Variants in EVI5 observed in about 807,000 individuals in gnomAD.
The protein encoded by EVI5 is ecotropic viral integration site 5 protein homolog.
EVI5 carries 73 observed loss-of-function variants against 112.0 expected under a neutral mutation model. That is an observed-to-expected ratio of 0.65 (90% CI 0.54 to 0.79). The LOEUF (loss-of-function observed/expected upper bound fraction) is 0.79, where lower values mean the gene tolerates loss of function less well. EVI5 is among the 30% of genes least tolerant of loss of function. The probability of loss-of-function intolerance (pLI) is 0.00; values close to 1 mark genes in which losing one functional copy is unlikely to be tolerated. For synonymous variants in EVI5, 305 were observed against 319.9 expected (o/e 0.95, Z 0.50); for missense variants, 900 against 968.8 (o/e 0.93, Z 0.94).
intron 9 of EVI5, among the ~76,000 whole-genome samples, chr1:92,687,229 AAC>A (rs1668708108): frequency 6.6e-6 from 1 of 152,174 alleles, no homozygotes; most frequent in Admixed American, 6.5e-5. Context: ...CCTCAGAAAT[AAC>A]ACCACACATC....
intron 13 of EVI5, among the ~76,000 whole-genome samples, chr1:92,646,045 T>C (rs1370725490): frequency 6.6e-6 from 1 of 152,206 alleles, no homozygotes; most frequent in Non-Finnish European, 1.5e-5. Flanking sequence ...CCCTCACCAA[T>C]GGGTTCTAGC....
At chr1:92,772,465 G>A (rs1016195644) in intron 1 of EVI5, among the ~76,000 whole-genome samples, 8 of 151,930 alleles carry the variant, frequency 5.3e-5, no homozygotes, top group Non-Finnish European at 8.8e-5. Flanking sequence ...GCTTGGTGGC[G>A]GGTGCCTGTA....
intron 19 of EVI5, among the ~76,000 whole-genome samples, chr1:92,560,040 T>C (rs1017913398): frequency 2.8e-4 from 43 of 152,266 alleles, no homozygotes; most frequent in African/African-American, 1.0e-3. Context: ...TTCCACATGT[T>C]GATGAGGATG....
chr1:92,746,463 C>G (rs989492030), intron 1 of EVI5, among the ~76,000 whole-genome samples: 4 of 152,182 alleles, frequency 2.6e-5, no homozygotes, highest in African/African-American at 9.7e-5. Context: ...CAGTGGCTCA[C>G]GCCTGAAATC....
intron 13 of EVI5, among the ~76,000 whole-genome samples, chr1:92,653,339 G>T (rs1315733865): frequency 2.0e-5 from 3 of 152,232 alleles, no homozygotes; most frequent in Non-Finnish European, 4.4e-5. Context: ...CGCCAAGGGA[G>T]CACCCACTGG....
intron 18 of EVI5, among the ~76,000 whole-genome samples, chr1:92,600,224 G>C (rs1273165597): frequency 6.6e-6 from 1 of 152,144 alleles, no homozygotes; most frequent in Non-Finnish European, 1.5e-5. Flanking sequence ...AAACTGTATA[G>C]ATCAGAAATG....
At chr1:92,785,199 A>T, upstream of EVI5, 2 of 681,666 alleles carry the variant, frequency 2.9e-6, no homozygotes, top group Non-Finnish European at 3.6e-6. Context: ...GGGCCGGCCG[A>T]GAAAAGGAGA....
upstream of EVI5, among the ~76,000 whole-genome samples, chr1:92,785,431 C>T (rs1304766906): frequency 6.6e-6 from 1 of 152,232 alleles, no homozygotes; most frequent in African/African-American, 2.4e-5. Context: ...GACGCGGAGC[C>T]TGACTTTCAG....
At chr1:92,756,515 G>A in intron 1 of EVI5, 1 of 533,016 alleles carries the variant, frequency 1.9e-6, no homozygotes, top group African/African-American at 1.9e-5. Context: ...GCTTACTCCT[G>A]GTATTTCTTA....
intron 13 of EVI5, among the ~76,000 whole-genome samples, chr1:92,646,895 C>G (rs567794876): frequency 3.3e-5 from 5 of 152,322 alleles, no homozygotes; most frequent in Admixed American, 2.6e-4. Flanking sequence ...TTTTAGAGCA[C>G]TCTGAGAGAC....
chr1:92,638,033 AATTT>A (rs1173936775), intron 13 of EVI5, among the ~76,000 whole-genome samples: 1 of 152,184 alleles, frequency 6.6e-6, no homozygotes, highest in Non-Finnish European at 1.5e-5. Context: ...GATGTGCCAT[AATTT>A]ATTTAATTAG....
At chr1:92,526,800 A>AC (rs1661952795) in intron 19 of EVI5, among the ~76,000 whole-genome samples, 1 of 152,200 alleles carries the variant, frequency 6.6e-6, no homozygotes, top group Non-Finnish European at 1.5e-5. Flanking sequence ...TTGTCAAAAC[A>AC]TATAGAATGT....
intron 1 of EVI5, among the ~76,000 whole-genome samples, chr1:92,770,995 T>C (rs1224746862): frequency 6.6e-6 from 1 of 151,558 alleles, no homozygotes; most frequent in Non-Finnish European, 1.5e-5. Flanking sequence ...TTTGTATTTT[T>C]AGTAGTGACA....
At position 92,693,903 on chromosome 1, in the gene EVI5, A is replaced by T; in HGVS notation, c.1000-4T>A. 1 of 1,515,876 alleles carries T rather than the reference A, an allele frequency of 6.6e-7. No homozygotes were observed. Among genetic ancestry groups the T allele is most frequent in the Non-Finnish European group, 9.1e-7 (1 of 1,102,214 alleles). 93.9% of individuals were successfully genotyped at this position (1,515,876 alleles called of 1,614,324 possible). ...GTGGAATGACCTTTTGAAAGTGCTA[A>T]GATACAATTAAAAAAAAAACATAAG... On this transcript the variant is annotated splice_polypyrimidine_tract_variant and splice_region_variant and intron_variant, in intron 8 of 19. Coordinates refer to ENST00000684568, the MANE Select transcript of EVI5 (RefSeq NM_001350197.2).
chr1:92,525,767 C>G (rs1357507490), intron 19 of EVI5, among the ~76,000 whole-genome samples: 6 of 152,170 alleles, frequency 3.9e-5, no homozygotes, highest in Admixed American at 3.9e-4. Context: ...TATTATTATA[C>G]CATCAGTTTA....
chr1:92,653,910 G>C (rs1402342706), intron 13 of EVI5, among the ~76,000 whole-genome samples: 1 of 152,090 alleles, frequency 6.6e-6, no homozygotes, highest in African/African-American at 2.4e-5. Context: ...TGGGGACAGG[G>C]GCATGACAGG....
intron 13 of EVI5, among the ~76,000 whole-genome samples, chr1:92,659,882 C>T (rs1049869274): frequency 6.6e-5 from 10 of 151,990 alleles, no homozygotes; most frequent in African/African-American, 2.4e-4. Context: ...TGTGTATATA[C>T]ACCATGAAAT....
intron 19 of EVI5, among the ~76,000 whole-genome samples, chr1:92,516,477 G>GA (rs1659898475): frequency 6.6e-6 from 1 of 152,156 alleles, no homozygotes; most frequent in African/African-American, 2.4e-5. Context: ...TTGGTGGAGA[G>GA]AAAAAATGGT....
chr1:92,655,626 GA>G (rs1163176426), intron 13 of EVI5, among the ~76,000 whole-genome samples: 16 of 152,128 alleles, frequency 1.1e-4, no homozygotes, highest in Non-Finnish European at 2.4e-4. Flanking sequence ...AAAAAGGGTA[GA>G]AAATGATATC....
Sources: gnomAD v4.1 joint callset for allele counts (sites outside exome capture counted in the v4.1 genomes callset) on GRCh38, gnomAD v4.1.1 for gene constraint, MANE v1.5 for transcripts, NCBI Gene and HGNC (gene_info 2026-07-23, HGNC 2026-07-21) for gene names.